The following PPP1R9B variants were observed in gnomAD, a reference collection of about 807,000 sequenced individuals.
PPP1R9B encodes the protein neurabin-2.
A neutral mutation model predicts 75.8 loss-of-function variants in PPP1R9B; 17 were observed. The ratio of observed to expected loss-of-function variants is 0.22; its 90% confidence interval spans 0.15 to 0.34. The LOEUF is 0.34. Ranked by LOEUF, PPP1R9B falls within the 10% of genes least tolerant of loss-of-function variation. The pLI is 1.00. For synonymous variants in PPP1R9B, 509 were observed against 535.4 expected, an observed-to-expected ratio of 0.95 and a Z score of 0.68; for missense variants, 875 against 1,196.0, an observed-to-expected ratio of 0.73 and a Z score of 3.96.
At chr17:50,148,523 C>A (rs946130376) in intron 1 of PPP1R9B, among the ~76,000 whole-genome samples, 2 of 152,240 alleles carry the variant, frequency 1.3e-5, no homozygotes, top group African/African-American at 2.4e-5. Flanking sequence ...GGGAACACGG[C>A]GCCAGCCAGT....
Position 50,142,657 on chromosome 17 carries a change from A to C in PPP1R9B, c.1625+941T>G, listed in dbSNP as rs1387453609. On this transcript the variant is annotated intron_variant, in intron 3 of 9. Transcript: ENST00000612501. This position sits in a 1 kb window ranked among gnomAD's most constrained non-coding sequence, Gnocchi z 4.1. Reference sequence around the variant, plus strand: ...CAAGAGATCCCCAATGTCACCTCTAACTTACAGCCACCCTGGGGGATGCCC... The same window carrying C: ...CAAGAGATCCCCAATGTCACCTCTACCTTACAGCCACCCTGGGGGATGCCC... 6.6e-6 allele frequency among the ~76,000 whole-genome samples: 1 copy of C among 151,956 alleles called. No homozygotes were observed. Among genetic ancestry groups the C allele is most frequent in the African/African-American group, 2.4e-5 (1 of 41,352 alleles).
At chr17:50,147,606 G>T (rs185301407) in intron 1 of PPP1R9B, among the ~76,000 whole-genome samples, 1 of 152,158 alleles carries the variant, frequency 6.6e-6, no homozygotes, top group Non-Finnish European at 1.5e-5. Context: ...CAGAGGCCCA[G>T]ACCAAACTCC....
Position 50,150,223 on chromosome 17 carries a change from C to A in PPP1R9B, c.291G>T (p.Arg97=), listed in dbSNP as rs760058998. The A allele has an allele frequency of 6.9e-7, 1 of 1,445,674 alleles. No individual in the cohort carries two copies. The allele number at this position is 1,445,674 out of a possible 1,614,324, so 89.6% of individuals were successfully genotyped here. The change falls in exon 1 of 10, where the codon CGG becomes CGT. Residue 97 remains arginine (R), a synonymous_variant. Transcript: ENST00000612501. The surrounding 1 kb of genome is among the most constrained non-coding windows in gnomAD (Gnocchi z 8.7). ...SERGVRLSLP[R]ASSLNENVDH... is the part of the protein sequence containing the mutation. ...CCACGTTCTCGTTCAGGCTGCTGGC[C>A]CGCGGCAGCGACAGGCGCACGCCGC... is the stretch of plus-strand genomic sequence containing the variant.
chr17:50,135,726 C>T (rs927134621), intron 8 of PPP1R9B, 77 bp from the exon 9 acceptor site: 8 of 1,298,840 alleles, frequency 6.2e-6, no homozygotes, highest in Non-Finnish European at 8.7e-6. Flanking sequence ...AGGTCCTCAG[C>T]TTTACCTGGG....
At chr17:50,141,426 A>ACCTCTACCCTC in intron 3 of PPP1R9B, 53 bp from the exon 4 acceptor site, 1 of 1,234,420 alleles carries the variant, frequency 8.1e-7, no homozygotes, top group Non-Finnish European at 1.1e-6. Flanking sequence ...GAGCGAGGGT[A>ACCTCTACCCTC]GAGGTAGCCT....
intron 8 of PPP1R9B, 30 bp downstream of exon 8, chr17:50,135,938 G>GGCCCCCCCCCC: frequency 4.9e-6 from 7 of 1,419,228 alleles, no homozygotes; most frequent in Non-Finnish European, 6.8e-6. Context: ...TGCTCCCTGG[G>GGCCCCCCCCCC]CCCAGCCCGC....
rs1912670382 is a variant in PPP1R9B at position 50,150,557 on chromosome 17, C to G, written c.-44G>C. The G allele has an allele frequency of 1.6e-6, 2 of 1,265,884 alleles. No individual in the cohort carries two copies. The highest frequency in any genetic ancestry group is 1.5e-5 in the African/African-American group (1 of 64,518). The allele number at this position is 1,265,884 out of a possible 1,614,324, so 78.4% of individuals were successfully genotyped here. A position where few individuals can be genotyped will look rare whatever the true frequency, so the allele number is the denominator to read the frequency against. ...CGCATGCCCCTGCTCCCCGCTCCCC[C>G]GCTTCAACAGGCGGCTGGCCAAGTC... is the stretch of plus-strand genomic sequence containing the variant. On this transcript the variant is annotated 5_prime_UTR_variant, in exon 1 of 10. Transcript: ENST00000612501. This position sits in a 1 kb window ranked among gnomAD's most constrained non-coding sequence, Gnocchi z 8.7.
At chr17:50,143,863 G>T in intron 2 of PPP1R9B, 145 bp from the exon 3 acceptor site, 1 of 1,213,808 alleles carries the variant, frequency 8.2e-7, no homozygotes, top group Non-Finnish European at 1.2e-6. Flanking sequence ...ATATAGTTCT[G>T]TCCACCGTCT....
At position 50,147,383 on chromosome 17, in the gene PPP1R9B, G is replaced by A. The variant is rs1023507136; in HGVS notation, c.1371+1760C>T. ...CCCTGGACTTGGCATCAAGGCAGGG[G>A]CAGGAAGAAGAAAAAGTGGGGCCCC... On this transcript the variant is annotated intron_variant, in intron 1 of 9. Transcript: ENST00000612501. Among the ~76,000 whole-genome samples the A allele has an allele frequency of 2.0e-5, 3 of 152,214 alleles. No homozygotes were observed. The South Asian group carries it at 6.2e-4, about 31-fold the overall frequency.
intron 2 of PPP1R9B, 87 bp from the exon 3 acceptor site, chr17:50,143,805 C>T (rs2144450527): frequency 6.4e-7 from 1 of 1,559,402 alleles, no homozygotes; most frequent in Non-Finnish European, 8.8e-7. Context: ...ACAGCCCCCC[C>T]ATCAGGAAGC....
chr17:50,149,813 G>T lies in PPP1R9B; in HGVS notation c.701C>A (p.Ala234Glu). Residue 234 changes from alanine (A) to glutamate (E), a missense_variant, in exon 1 of 10, where the codon GCA becomes GAA. Ala to Glu is a moderately radical substitution (Grantham distance 107). This residue lies in a region of PPP1R9B where 449 missense variants were observed against 475.0 expected (regional missense o/e 0.95). Coordinates refer to ENST00000612501, the MANE Select transcript of PPP1R9B (RefSeq NM_032595.5). This position sits in a 1 kb window ranked among gnomAD's most constrained non-coding sequence, Gnocchi z 7.2. ...LHRGPGLPRAAGVPQVNSKLV... is the reference protein window; with the variant it reads ...LHRGPGLPRAEGVPQVNSKLV... ...CTTCGAGTTGACCTGGGGAACCCCT[G>T]CGGCCCTGGGGAGCCCGGGCCCGCG... 9.1e-6 allele frequency: 13 copies of T among 1,430,554 alleles called. No homozygotes were observed. Among genetic ancestry groups the T allele is most frequent in the Non-Finnish European group, 1.2e-5 (13 of 1,098,394 alleles). 88.6% of individuals were successfully genotyped at this position (1,430,554 alleles called of 1,614,324 possible).
In PPP1R9B at chr17:50,149,045, ACT is replaced by A. The variant is rs1198570398; in HGVS notation, c.1371+96_1371+97del. The A allele has an allele frequency of 2.0e-5, 18 of 880,464 alleles. No individual in the cohort carries two copies. In the Middle Eastern group the frequency reaches 1.9e-3, roughly 91 times the overall value. The allele number at this position is 880,464 out of a possible 1,614,324, so 54.5% of individuals were successfully genotyped here. A position where few individuals can be genotyped will look rare whatever the true frequency, so the allele number is the denominator to read the frequency against. ...GAAGGGGGCTGGGTGGCAGGGGCTG[ACT>A]CAGCCTGCCAAACCCGGCTGGCTGG... On this transcript the variant is annotated intron_variant, in intron 1 of 9. Coordinates refer to ENST00000612501, the MANE Select transcript of PPP1R9B (RefSeq NM_032595.5). The surrounding 1 kb of genome is among the most constrained non-coding windows in gnomAD (Gnocchi z 7.2).
chr17:50,144,994 G>C, intron 2 of PPP1R9B, 119 bp downstream of exon 2: 4 of 1,287,470 alleles, frequency 3.1e-6, no homozygotes, highest in Non-Finnish European at 4.2e-6. Flanking sequence ...CTGAGTCAGA[G>C]GGAGAGGCCC....
chr17:50,138,201 G>A (rs1054527989), intron 7 of PPP1R9B, among the ~76,000 whole-genome samples: 2 of 149,870 alleles, frequency 1.3e-5, no homozygotes, highest in African/African-American at 2.5e-5. Flanking sequence ...TGTGTGCCAC[G>A]TGTCTCCATC....
In PPP1R9B at chr17:50,139,548, GCTC is replaced by G. The variant is rs1248002347; in HGVS notation, c.1897_1899del (p.Glu633del). The G allele has an allele frequency of 6.3e-7, 1 of 1,583,898 alleles. No homozygotes were observed. Among genetic ancestry groups the G allele is most frequent in the Admixed American group, 1.8e-5 (1 of 56,666 alleles). ...TCACCACCCGGGAACGTGGGGCTCA[GCTC>G]CTCATCCTCGTCAGTGGCATACTCT... On this transcript the variant is annotated inframe_deletion, in exon 6 of 10. Transcript: ENST00000612501. The surrounding 1 kb of genome is among the most constrained non-coding windows in gnomAD (Gnocchi z 5.0).
chr17:50,135,683 GGT>G (rs1912210083), intron 8 of PPP1R9B, 34 bp from the exon 9 acceptor site: 1 of 1,554,228 alleles, frequency 6.4e-7, no homozygotes, highest in Non-Finnish European at 8.8e-7. Context: ...GGCAGGTAAG[GGT>G]GTGTGGTCTG....
intron 2 of PPP1R9B, 140 bp downstream of exon 2, chr17:50,144,973 T>A: frequency 9.2e-7 from 1 of 1,090,982 alleles, no homozygotes; most frequent in Non-Finnish European, 1.3e-6. Context: ...GCGGGGAAGG[T>A]CACCAAGGGC....
At position 50,140,007 on chromosome 17, in the gene PPP1R9B, G is replaced by A. The variant is rs752937011; in HGVS notation, c.1866+86C>T. ...GCACTGTGGGCTTTTTACTAGGGCA[G>A]GGGAAGCAGTAGAGGCAGATGACTG... is the stretch of plus-strand genomic sequence containing the variant. On this transcript the variant is annotated intron_variant, in intron 5 of 9. Coordinates refer to ENST00000612501, the MANE Select transcript of PPP1R9B (RefSeq NM_032595.5). 6.9e-6 allele frequency: 10 copies of A among 1,451,530 alleles called. No individual in the cohort carries two copies. In the East Asian group the frequency reaches 2.3e-4, roughly 34 times the overall value. 89.9% of individuals were successfully genotyped at this position (1,451,530 alleles called of 1,614,324 possible).
rs1053412864 is a variant in PPP1R9B, at chr17:50,139,701, C to G, written c.1867-120G>C. 5 of 1,157,344 alleles carry G rather than the reference C, an allele frequency of 4.3e-6. No individual in the cohort carries two copies. Among genetic ancestry groups the G allele is most frequent in the Non-Finnish European group, 6.0e-6 (5 of 826,482 alleles). 71.7% of individuals were successfully genotyped at this position (1,157,344 alleles called of 1,614,324 possible). ...GAGCTACCCAGGAATGTGGTTCATG[C>G]CTCCCACTTCAGCCTGAGGCTGGAC... On this transcript the variant is annotated intron_variant, in intron 5 of 9. Transcript: ENST00000612501. This position sits in a 1 kb window ranked among gnomAD's most constrained non-coding sequence, Gnocchi z 5.0.
Sources: allele counts gnomAD v4.1 joint callset (sites outside exome capture counted in the v4.1 genomes callset), GRCh38; gene constraint gnomAD v4.1.1; regional missense constraint gnomAD v4.1.1; non-coding constraint Gnocchi (gnomAD v3.1); transcripts MANE v1.5; gene names NCBI Gene and HGNC (gene_info 2026-07-23, HGNC 2026-07-21).